Variants in KCNQ5 observed in about 807,000 individuals in gnomAD.
The protein encoded by KCNQ5 is potassium voltage-gated channel subfamily Q member 5, also known as potassium voltage-gated channel subfamily KQT member 5.
A neutral mutation model predicts 98.2 loss-of-function variants in KCNQ5; 30 were observed. That is an observed-to-expected ratio of 0.31 (90% confidence interval 0.23 to 0.41). The LOEUF (loss-of-function observed/expected upper bound fraction) is 0.41, where lower values mean the gene tolerates loss of function less well. Ranked by LOEUF, KCNQ5 falls within the 10% of genes least tolerant of loss-of-function variation. KCNQ5 has a pLI of 1.00. For synonymous variants in KCNQ5, 458 were observed against 449.4 expected (o/e 1.02, Z -0.24); for missense variants, 835 against 1,182.5 (o/e 0.71, Z 4.31).
chr6:72,635,312 G>A (rs985536144), intron 1 of KCNQ5, among the ~76,000 whole-genome samples: 6 of 152,096 alleles, frequency 3.9e-5, no homozygotes, highest in Admixed American at 1.3e-4. Context: ...TTATAGGAAT[G>A]AGCTGCTGTG....
intron 1 of KCNQ5, among the ~76,000 whole-genome samples, chr6:72,872,404 C>T (rs1024062605): frequency 1.3e-5 from 2 of 152,096 alleles, no homozygotes; most frequent in East Asian, 3.8e-4. Flanking sequence ...CACATGAGGA[C>T]GTGGTTTGTC....
At chr6:72,914,558 T>C (rs1266934146) in intron 1 of KCNQ5, among the ~76,000 whole-genome samples, 1 of 146,222 alleles carries the variant, frequency 6.8e-6, no homozygotes, top group African/African-American at 2.5e-5. Context: ...CCCTGACACA[T>C]CTAGCATGCC....
chr6:72,804,615 G>T (rs1774858677), intron 1 of KCNQ5, among the ~76,000 whole-genome samples: 1 of 152,112 alleles, frequency 6.6e-6, no homozygotes, highest in East Asian at 1.9e-4. Context: ...TGAATAGTGT[G>T]CAATAAACAT....
At chr6:73,053,063 A>G (rs1234661084) in intron 3 of KCNQ5, among the ~76,000 whole-genome samples, 1 of 152,234 alleles carries the variant, frequency 6.6e-6, no homozygotes, top group Non-Finnish European at 1.5e-5. Flanking sequence ...TCTACCAAGC[A>G]AATGGAAAAC....
At chr6:73,074,142 C>T (rs1363021767) in intron 3 of KCNQ5, among the ~76,000 whole-genome samples, 1 of 152,114 alleles carries the variant, frequency 6.6e-6, no homozygotes, top group Non-Finnish European at 1.5e-5. Context: ...GTTCTAGGTA[C>T]TCAGGATACA....
intron 7 of KCNQ5, among the ~76,000 whole-genome samples, chr6:73,114,251 T>G (rs1327799401): frequency 1.3e-5 from 2 of 152,150 alleles, no homozygotes; most frequent in Non-Finnish European, 2.9e-5. Context: ...CCTTTCACCT[T>G]CTTACCCAAT....
intron 2 of KCNQ5, among the ~76,000 whole-genome samples, chr6:73,038,864 A>T (rs1771564400): frequency 1.3e-5 from 2 of 152,140 alleles, no homozygotes; most frequent in African/African-American, 4.8e-5. Flanking sequence ...GACTTCATAA[A>T]ATCATTGAGA....
chr6:73,085,748 G>C lies in KCNQ5; in HGVS notation c.918+7861G>C, dbSNP rs371259278. ...GAAAGCAGGCACTCTTTTCTACTCA[G>C]GATGAAACACTGAGCACATTGTCAC... On this transcript the variant is annotated intron_variant, in intron 5 of 13. Coordinates refer to ENST00000370398, the MANE Select transcript of KCNQ5 (RefSeq NM_019842.4). 4.1e-4 allele frequency among the ~76,000 whole-genome samples: 63 copies of C among 152,308 alleles called. 1 individual carries two copies. In the South Asian group the frequency reaches 0.013, roughly 31 times the overall value.
chr6:73,112,168 A>G (rs1486227127), intron 7 of KCNQ5, among the ~76,000 whole-genome samples: 2 of 152,158 alleles, frequency 1.3e-5, no homozygotes, highest in East Asian at 3.9e-4. Context: ...TTAGTTATGG[A>G]CAAAATAATT....
At chr6:72,882,967 C>T (rs1267790845) in intron 1 of KCNQ5, among the ~76,000 whole-genome samples, 1 of 152,040 alleles carries the variant, frequency 6.6e-6, no homozygotes, top group Non-Finnish European at 1.5e-5. Flanking sequence ...TTATCTTCAA[C>T]TTGATTTAGA....
At chr6:72,829,610 CAT>C (rs1213039186) in intron 1 of KCNQ5, among the ~76,000 whole-genome samples, 3 of 152,316 alleles carry the variant, frequency 2.0e-5, no homozygotes, top group African/African-American at 7.2e-5. Flanking sequence ...ACTCATAAGA[CAT>C]GTGCCCAAAA....
intron 7 of KCNQ5, among the ~76,000 whole-genome samples, chr6:73,114,337 A>G (rs1342343): frequency 0.96 from 145,858 of 152,266 alleles, 69,855 homozygotes; most frequent in South Asian, 0.99. Flanking sequence ...CAGAGTCACT[A>G]TCTTCTTAAA....
chr6:73,117,746 G>C (rs1775566138), intron 7 of KCNQ5, among the ~76,000 whole-genome samples: 1 of 152,206 alleles, frequency 6.6e-6, no homozygotes, highest in Admixed American at 6.5e-5. Context: ...CAACATTAGA[G>C]GATCTCTGGG....
At chr6:72,777,343 A>G (rs892466048) in intron 1 of KCNQ5, among the ~76,000 whole-genome samples, 1 of 152,168 alleles carries the variant, frequency 6.6e-6, no homozygotes, top group African/African-American at 2.4e-5. Flanking sequence ...GGTGATAAAT[A>G]TGCAGCAGGG....
chr6:72,923,201 G>A (rs185152165), intron 1 of KCNQ5, among the ~76,000 whole-genome samples: 170 of 152,262 alleles, frequency 1.1e-3, no homozygotes, highest in Non-Finnish European at 2.0e-3. Context: ...CAGTAAACTT[G>A]AGAGTGCAGA....
At chr6:72,729,610 C>A (rs1770458915) in intron 1 of KCNQ5, among the ~76,000 whole-genome samples, 1 of 152,104 alleles carries the variant, frequency 6.6e-6, no homozygotes, top group Non-Finnish European at 1.5e-5. Flanking sequence ...TACTGAATTG[C>A]CTTCAGTAGA....
chr6:72,748,672 T>C (rs1419617588), intron 1 of KCNQ5, among the ~76,000 whole-genome samples: 1 of 152,068 alleles, frequency 6.6e-6, no homozygotes, highest in Non-Finnish European at 1.5e-5. Context: ...GAGTGAAAAA[T>C]CTCACTAAAT....
intron 1 of KCNQ5, among the ~76,000 whole-genome samples, chr6:72,963,959 A>T (rs1767491341): frequency 1.3e-5 from 2 of 152,128 alleles, no homozygotes; most frequent in South Asian, 2.1e-4. Context: ...CAGTCCACAG[A>T]TTTTATTTTT....
At chr6:72,745,657 T>A (rs1279309891) in intron 1 of KCNQ5, among the ~76,000 whole-genome samples, 1 of 152,188 alleles carries the variant, frequency 6.6e-6, no homozygotes, top group Non-Finnish European at 1.5e-5. Flanking sequence ...CTTCTAACCC[T>A]TCTTAAAAGG....
Sources: allele counts gnomAD v4.1 joint callset (sites outside exome capture counted in the v4.1 genomes callset), GRCh38; gene constraint gnomAD v4.1.1; transcripts MANE v1.5; gene names NCBI Gene and HGNC (gene_info 2026-07-23, HGNC 2026-07-21).